Variants in LGALS4 observed in about 807,000 individuals in gnomAD.
LGALS4 encodes galectin-4.
Under a neutral mutation model 39.6 loss-of-function variants are expected in LGALS4, and 37 were observed. That is an observed-to-expected ratio of 0.93 (90% confidence interval 0.72 to 1.23). LGALS4 has a LOEUF of 1.23. LGALS4 is among the 50% of genes most tolerant of loss of function. LGALS4 has a pLI of 0.00. For synonymous variants in LGALS4, 160 were observed against 165.5 expected (o/e 0.97, Z 0.25); for missense variants, 397 against 433.2 (o/e 0.92, Z 0.74).
At chr19:38,803,008 CTTTTTTTTTTTT>C (rs71165582) in intron 7 of LGALS4, 9 of 73,268 alleles carry the variant, frequency 1.2e-4, no homozygotes, top group East Asian at 4.2e-4. Flanking sequence ...TTTTCTTTTT[CTTTTTTTTTTTT>C]TTTTTTTTTT....
chr19:38,808,262 G>A (rs979626979), intron 3 of LGALS4, among the ~76,000 whole-genome samples: 8 of 151,932 alleles, frequency 5.3e-5, no homozygotes, highest in African/African-American at 1.9e-4. Context: ...AAGAAGAGAG[G>A]AGGGAAGGGG....
chr19:38,808,623 CAAAAAAA>C (rs371371385), intron 3 of LGALS4, 114 bp downstream of exon 3: 42 of 538,008 alleles, frequency 7.8e-5, no homozygotes, highest in East Asian at 4.8e-4. Flanking sequence ...AACTCCATCT[CAAAAAAA>C]AAAAAAAAAA....
intron 3 of LGALS4, among the ~76,000 whole-genome samples, chr19:38,807,085 T>C (rs1288838744): frequency 1.3e-5 from 2 of 151,694 alleles, no homozygotes; most frequent in Admixed American, 1.3e-4. Flanking sequence ...ATCAGCTCAC[T>C]GGCCGGGCGC....
rs775897393 is a variant in LGALS4 at position 38,806,568 on chromosome 19, CAT to C, written c.365_366del (p.Tyr122Ter). On this transcript the variant is annotated frameshift_variant, in exon 4 of 10. Coordinates refer to ENST00000307751, the MANE Select transcript of LGALS4 (RefSeq NM_006149.4). LOFTEE classifies it high-confidence loss of function. ...TGTAGGGGAAGCCGGTGCCCGTACTCATAGAAGGGATTTCCATTTACCACCAC... is the reference window on the plus strand; with the variant it reads ...TGTAGGGGAAGCCGGTGCCCGTACTCAGAAGGGATTTCCATTTACCACCAC... ...YKVVVNGNPF[Y>X]EYGHRLPLQM... 22 of 1,613,842 alleles carry C rather than the reference CAT, an allele frequency of 1.4e-5. No homozygotes were observed. Among genetic ancestry groups the C allele is most frequent in the Non-Finnish European group, 1.9e-5 (22 of 1,179,972 alleles).
At chr19:38,809,543 A>AC (rs1163892012) in intron 2 of LGALS4, among the ~76,000 whole-genome samples, 2 of 146,818 alleles carry the variant, frequency 1.4e-5, no homozygotes, top group Non-Finnish European at 3.0e-5. Context: ...TACAGTGGCC[A>AC]CGATGGTGGC....
chr19:38,810,062 T>G (rs1011032055), intron 2 of LGALS4, among the ~76,000 whole-genome samples: 2 of 152,242 alleles, frequency 1.3e-5, no homozygotes, highest in African/African-American at 4.8e-5. Flanking sequence ...TCCCTCTGCC[T>G]GGAAGGCCCT....
In LGALS4 at chr19:38,808,276, G is replaced by A. The variant is rs1311850971; in HGVS notation, c.339+468C>T. ...GAAGAAGAGAGGAGGGAAGGGGGAA[G>A]GAAGGAGGGGAGGAAAGAGGAGAGA... On this transcript the variant is annotated intron_variant, in intron 3 of 9. Coordinates refer to ENST00000307751, the MANE Select transcript of LGALS4 (RefSeq NM_006149.4). Among the ~76,000 whole-genome samples, 7 of 151,858 alleles carry A rather than the reference G, an allele frequency of 4.6e-5. No homozygotes were observed. In the South Asian group the frequency reaches 1.5e-3, roughly 32 times the overall value.
chr19:38,806,736 C>G, intron 3 of LGALS4, 141 bp from the exon 4 acceptor site: 1 of 790,614 alleles, frequency 1.3e-6, no homozygotes. Context: ...CATTTGAGAT[C>G]AGGAGTGTGA....
In LGALS4 at chr19:38,808,815, T is replaced by G. The variant is rs757382792; in HGVS notation, c.268A>C (p.Lys90Gln). The G allele has an allele frequency of 9.3e-6, 15 of 1,614,034 alleles. 1 individual carries two copies. The South Asian group carries it at 1.6e-4, about 18-fold the overall frequency. Reference sequence around the variant, plus strand: ...CCCTTTTTGAAGGGCATGCTCCTCTTCCTCTCCTCGCTGCCCCACTTCCCG... The same window carrying G: ...CCCTTTTTGAAGGGCATGCTCCTCTGCCTCTCCTCGCTGCCCCACTTCCCG... ...QGGKWGSEERKRSMPFKKGAA... is the reference protein window; with the variant it reads ...QGGKWGSEERQRSMPFKKGAA... Residue 90 changes from lysine (K) to glutamine (Q), a missense_variant, in exon 3 of 10, where the codon AAG (lysine) becomes CAG (glutamine). Lys to Gln is a moderately conservative substitution (Grantham distance 53). Coordinates refer to ENST00000307751, the MANE Select transcript of LGALS4 (RefSeq NM_006149.4).
chr19:38,808,681 G>A, intron 3 of LGALS4, 63 bp downstream of exon 3: 1 of 1,294,900 alleles, frequency 7.7e-7, no homozygotes, highest in Non-Finnish European at 1.1e-6. Context: ...CGGGAAGGAA[G>A]GAAGCAGCCA....
Position 38,803,798 on chromosome 19 carries a change from G to C in LGALS4, c.502-18C>G. ...CCGGGACCCTGAACGATGGACAGAA[G>C]GCAGGAAGGGTGAGAGGGGCTGAGG... is the stretch of plus-strand genomic sequence containing the variant. On this transcript the variant is annotated intron_variant, in intron 5 of 9. Coordinates refer to ENST00000307751, the MANE Select transcript of LGALS4 (RefSeq NM_006149.4). The C allele has an allele frequency of 6.2e-7, 1 of 1,613,724 alleles. No individual in the cohort carries two copies. The highest frequency in any genetic ancestry group is 8.5e-7 in the Non-Finnish European group (1 of 1,179,846).
At chr19:38,802,997 CT>C (rs901304075) in intron 7 of LGALS4, 1 of 98,256 alleles carries the variant, frequency 1.0e-5, no homozygotes, top group Non-Finnish European at 2.0e-5. Flanking sequence ...TTTTCTTTTT[CT>C]TTTCTTTTTC....
rs760942065 is a variant in LGALS4 at position 38,812,447 on chromosome 19, T to C, written c.118A>G (p.Ser40Gly). 6.2e-7 allele frequency: 1 copy of C among 1,614,070 alleles called. No homozygotes were observed. Among genetic ancestry groups the C allele is most frequent in the East Asian group, 2.2e-5 (1 of 44,874 alleles). Residue 40 changes from serine to glycine, a missense_variant, in exon 2 of 10, where the codon AGC becomes GGC. Physicochemically the swap from Ser to Gly is moderately conservative, Grantham distance 56. Transcript: ENST00000307751. ...GGGTCTTACCGCTTCATGTGCTCGCTGGCCACTCCTTGGATGTAAACAGAC... is the reference window on the plus strand; with the variant it reads ...GGGTCTTACCGCTTCATGTGCTCGCCGGCCACTCCTTGGATGTAAACAGAC... ...GMSVYIQGVA[S>G]EHMKRFFVNF...
At chr19:38,806,428 AAAGGACGC>A (rs1366447568) in intron 4 of LGALS4, 25 bp downstream of exon 4, 20 of 1,584,048 alleles carry the variant, frequency 1.3e-5, no homozygotes, top group Non-Finnish European at 1.6e-5. Context: ...ATTTAGAAAG[AAAGGACGC>A]AAGAAGGGAT....
rs1389079177 is a variant in LGALS4, at chr19:38,802,161, G to C, written c.660-4C>G. On this transcript the variant is annotated splice_region_variant and splice_polypyrimidine_tract_variant and intron_variant, in intron 8 of 9. Transcript: ENST00000307751. ...CACCTTGAAGTTGATAGCAAAGCTG[G>C]GGACAGAGAGGGATGGGGGAGTCAG... 2.5e-6 allele frequency: 4 copies of C among 1,613,070 alleles called. No homozygotes were observed. The highest frequency in any genetic ancestry group is 3.4e-6 in the Non-Finnish European group (4 of 1,179,256).
intron 2 of LGALS4, among the ~76,000 whole-genome samples, chr19:38,811,948 G>T (rs546821569): frequency 1.3e-5 from 2 of 151,920 alleles, no homozygotes; most frequent in African/African-American, 2.4e-5. Context: ...GGGAGACAGA[G>T]GTTGCAGTGA....
At chr19:38,806,372 A>G in intron 4 of LGALS4, 89 bp downstream of exon 4, 4 of 1,443,076 alleles carry the variant, frequency 2.8e-6, no homozygotes, top group South Asian at 2.6e-5. Context: ...CGTCTCAAAA[A>G]AAAAAGAAAA....
Position 38,812,872 on chromosome 19 carries a change from GGGGACATA to G in LGALS4, c.7_14del (p.Tyr3ArgfsTer64). Reference sequence around the variant, plus strand: ...TGTAGGTGGGCTGGTAGCCCGGTGCGGGGACATAGGCCATCGCTCGAGGCTGCGCTAGT... The same window carrying G: ...TGTAGGTGGGCTGGTAGCCCGGTGCGGGCCATCGCTCGAGGCTGCGCTAGT... On this transcript the variant is annotated frameshift_variant, in exon 1 of 10. Transcript: ENST00000307751. LOFTEE classifies it high-confidence loss of function. 1 of 1,611,998 alleles carries G rather than the reference GGGGACATA, an allele frequency of 6.2e-7. No individual in the cohort carries two copies. The highest frequency in any genetic ancestry group is 2.2e-5 in the East Asian group (1 of 44,882).
intron 7 of LGALS4, 68 bp from the exon 8 acceptor site, chr19:38,802,472 T>C: frequency 8.1e-7 from 1 of 1,229,020 alleles, no homozygotes; most frequent in South Asian, 1.2e-5. Context: ...GAAGAAATTT[T>C]CTTTTTCTTT....
Sources: gnomAD v4.1 joint callset for allele counts (sites outside exome capture counted in the v4.1 genomes callset) on GRCh38, gnomAD v4.1.1 for gene constraint, MANE v1.5 for transcripts, NCBI Gene and HGNC (gene_info 2026-07-23, HGNC 2026-07-21) for gene names.